FAM184A: variants seen among roughly 807,000 people sequenced by gnomAD.
FAM184A encodes family with sequence similarity 184 member A.
A neutral mutation model predicts 143.8 loss-of-function variants in FAM184A; 99 were observed. The observed-to-expected ratio is 0.69, with a 90% CI of 0.58 to 0.81. FAM184A has a LOEUF of 0.81. FAM184A is among the 40% of genes least tolerant of loss of function. FAM184A has a pLI of 0.00. For missense variants in FAM184A, 1,217 were observed against 1,310.5 expected (o/e 0.93, Z 1.10); for synonymous variants, 427 against 446.4 (o/e 0.96, Z 0.55).
intron 1 of FAM184A, among the ~76,000 whole-genome samples, chr6:119,095,117 G>A (rs539231869): frequency 2.0e-5 from 3 of 152,236 alleles, no homozygotes; most frequent in Admixed American, 1.3e-4. Flanking sequence ...TGGGCTGAGT[G>A]GATGTAGAGC....
At chr6:119,034,037 TATATAGAGAGAG>T (rs1342151585) in intron 1 of FAM184A, among the ~76,000 whole-genome samples, 487 of 42,064 alleles carry the variant, frequency 0.012, 4 homozygotes, top group African/African-American at 0.045. Flanking sequence ...TATATATATA[TATATAGAGAGAG>T]AGAGAGAGAG....
chr6:119,114,503 A>G (rs1462711250), intron 1 of FAM184A, among the ~76,000 whole-genome samples: 3 of 152,126 alleles, frequency 2.0e-5, no homozygotes, highest in Non-Finnish European at 4.4e-5. Context: ...ATGCTCCTCC[A>G]GATATTGCCC....
intron 1 of FAM184A, among the ~76,000 whole-genome samples, chr6:119,061,335 G>C (rs1341249300): frequency 6.6e-6 from 1 of 152,018 alleles, no homozygotes. Context: ...CCTGAGGAGA[G>C]AGCCAGGATT....
chr6:118,987,948 C>T (rs2114602500), intron 9 of FAM184A, among the ~76,000 whole-genome samples: 1 of 152,242 alleles, frequency 6.6e-6, no homozygotes, highest in Non-Finnish European at 1.5e-5. Flanking sequence ...TACCCATACA[C>T]AAAATATATC....
intron 1 of FAM184A, among the ~76,000 whole-genome samples, chr6:119,093,545 A>G (rs75483086): frequency 0.013 from 1,985 of 152,246 alleles, 44 homozygotes; most frequent in African/African-American, 0.045. Context: ...ATTTCTTCCC[A>G]TAGAAGAAAC....
chr6:118,970,008 A>ATATATATATATATATATATATTTTTTTTT, intron 14 of FAM184A, among the ~76,000 whole-genome samples: 25 of 18,962 alleles, frequency 1.3e-3, no homozygotes, highest in Non-Finnish European at 1.8e-3. Context: ...ATATATATAT[A>ATATATATATATATATATATATTTTTTTTT]TTTTTTTTTT....
chr6:118,999,026 G>C (rs1253092189), intron 9 of FAM184A, among the ~76,000 whole-genome samples: 1 of 152,194 alleles, frequency 6.6e-6, no homozygotes, highest in South Asian at 2.1e-4. Context: ...AAGTGTCCTG[G>C]AATCAGATGG....
At chr6:119,084,188 T>C (rs1186653029) in intron 1 of FAM184A, among the ~76,000 whole-genome samples, 1 of 152,054 alleles carries the variant, frequency 6.6e-6, no homozygotes, top group Non-Finnish European at 1.5e-5. Context: ...GGAGAAATTG[T>C]CCCCATGATT....
intron 1 of FAM184A, among the ~76,000 whole-genome samples, chr6:119,051,397 G>A (rs1463726347): frequency 6.6e-6 from 1 of 152,112 alleles, no homozygotes; most frequent in Non-Finnish European, 1.5e-5. Flanking sequence ...GAGGGTAGTG[G>A]GGTGTTAGGA....
intron 1 of FAM184A, among the ~76,000 whole-genome samples, chr6:119,046,242 G>C (rs1273376427): frequency 2.5e-5 from 3 of 118,032 alleles, no homozygotes; most frequent in African/African-American, 9.7e-5. Flanking sequence ...TTTTTTTTTT[G>C]AGACAGAGTC....
intron 1 of FAM184A, among the ~76,000 whole-genome samples, chr6:119,139,550 A>C (rs915182948): frequency 3.9e-5 from 6 of 152,132 alleles, no homozygotes; most frequent in Non-Finnish European, 7.4e-5. Context: ...AATTCAAGTG[A>C]ATAAGAAAAG....
Position 119,002,958 on chromosome 6 carries a change from G to T in FAM184A, c.2029C>A (p.Arg677=), listed in dbSNP as rs369368602. The T allele has an allele frequency of 3.7e-6, 6 of 1,611,962 alleles. No individual in the cohort carries two copies. Among genetic ancestry groups the T allele is most frequent in the South Asian group, 1.1e-5 (1 of 90,892 alleles). The part of the protein sequence containing the change: ...AMSQLLQLKD[R]EKNAARDSWQ... The stretch of plus-strand genomic sequence containing the variant: ...GAATCTCTTGCTGCATTTTTCTCTC[G>T]ATCTTTCAACTGCAAAAGTTGAGAC... The change falls in exon 9 of 18, where the codon CGA becomes AGA. Residue 677 remains arginine (R), a synonymous_variant. Transcript: ENST00000338891.
chr6:119,013,263 T>G (rs995064932), intron 5 of FAM184A, among the ~76,000 whole-genome samples: 5 of 152,152 alleles, frequency 3.3e-5, no homozygotes, highest in Non-Finnish European at 7.3e-5. Context: ...AAATTAAAAT[T>G]TAATCAGGTG....
intron 1 of FAM184A, among the ~76,000 whole-genome samples, chr6:119,114,250 G>A (rs1337414248): frequency 6.6e-6 from 1 of 152,130 alleles, no homozygotes; most frequent in African/African-American, 2.4e-5. Flanking sequence ...TGTCAGATTT[G>A]GCAAATAAAA....
chr6:119,058,484 T>A (rs537819407), intron 1 of FAM184A, among the ~76,000 whole-genome samples: 1 of 152,230 alleles, frequency 6.6e-6, no homozygotes, highest in Admixed American at 6.5e-5. Flanking sequence ...ATTACAGGTG[T>A]GAGCCACCGT....
At chr6:119,103,903 G>A (rs1051394985) in intron 1 of FAM184A, among the ~76,000 whole-genome samples, 16 of 145,086 alleles carry the variant, frequency 1.1e-4, no homozygotes, top group African/African-American at 4.1e-4. Context: ...CTCCAGCCTG[G>A]TGTCAGAGTG....
intron 9 of FAM184A, among the ~76,000 whole-genome samples, chr6:118,984,158 A>AATATAT (rs34576101): frequency 4.1e-4 from 52 of 126,944 alleles, no homozygotes; most frequent in Middle Eastern, 3.8e-3. Flanking sequence ...TTAAAAAAAA[A>AATATAT]ATATATATAT....
rs1054638254 is a variant in FAM184A, at chr6:119,003,132, G to A, written c.1938-83C>T. The A allele has an allele frequency of 3.7e-5, 45 of 1,226,768 alleles. No individual in the cohort carries two copies. In the East Asian group the frequency reaches 5.4e-4, roughly 15 times the overall value. The allele number at this position is 1,226,768 out of a possible 1,614,324, so 76.0% of individuals were successfully genotyped here. On this transcript the variant is annotated intron_variant, in intron 8 of 17. Coordinates refer to ENST00000338891, the MANE Select transcript of FAM184A (RefSeq NM_024581.6). ...AATAGAGTCTACAGGTTTTTTAAGC[G>A]CTTAATTAATCCTCTTCAAAAGTCT...
chr6:119,132,974 G>A (rs970977576), intron 1 of FAM184A, among the ~76,000 whole-genome samples: 7 of 152,234 alleles, frequency 4.6e-5, no homozygotes, highest in African/African-American at 9.6e-5. Context: ...GGCAAAGAGC[G>A]AAATCAGATA....
Sources: gnomAD v4.1 joint callset for allele counts (sites outside exome capture counted in the v4.1 genomes callset) on GRCh38, gnomAD v4.1.1 for gene constraint, MANE v1.5 for transcripts, NCBI Gene and HGNC (gene_info 2026-07-23, HGNC 2026-07-21) for gene names.